NRG1: variants seen among roughly 807,000 people sequenced by gnomAD.
NRG1 encodes the protein pro-neuregulin-1, membrane-bound isoform.
In NRG1, 18 loss-of-function variants were observed where a neutral mutation model predicts 63.8. The observed-to-expected ratio is 0.28, with a 90% confidence interval of 0.19 to 0.42. NRG1 has a LOEUF of 0.42. NRG1 is among the 10% of genes least tolerant of loss of function. The probability of loss-of-function intolerance (pLI) is 1.00; values close to 1 mark genes in which losing one functional copy is unlikely to be tolerated. For synonymous variants in NRG1, 302 were observed against 301.3 expected (o/e 1.00, Z -0.02); for missense variants, 762 against 814.7 (o/e 0.94, Z 0.79).
intron 1 of NRG1, among the ~76,000 whole-genome samples, chr8:32,430,771 C>T (rs1009860504): frequency 6.8e-6 from 1 of 147,072 alleles, no homozygotes; most frequent in Non-Finnish European, 1.5e-5. Flanking sequence ...CCTCATGTTA[C>T]ACTGCAATGG....
At chr8:32,108,400 G>T (rs551062275) in intron 1 of NRG1, among the ~76,000 whole-genome samples, 27 of 152,282 alleles carry the variant, frequency 1.8e-4, no homozygotes, top group African/African-American at 5.3e-4. Context: ...GGAACAGTAT[G>T]TTCTCACCTG....
At chr8:32,293,718 C>CTTTTTTTTTTTTTTTTTTTTTTTTT (rs770993591) in intron 1 of NRG1, among the ~76,000 whole-genome samples, 42 of 108,266 alleles carry the variant, frequency 3.9e-4, no homozygotes, top group Non-Finnish European at 5.2e-4. Context: ...TTTTCTTCTT[C>CTTTTTTTTTTTTTTTTTTTTTTTTT]TTTTTTTTTT....
chr8:32,746,955 T>C (rs1827558887), intron 7 of NRG1, among the ~76,000 whole-genome samples: 1 of 151,302 alleles, frequency 6.6e-6, no homozygotes, highest in Admixed American at 6.6e-5. Context: ...CTGGGTCTAG[T>C]ATGACTGATG....
intron 1 of NRG1, among the ~76,000 whole-genome samples, chr8:32,000,014 CAG>C (rs1812662536): frequency 6.6e-6 from 1 of 151,844 alleles, no homozygotes; most frequent in South Asian, 2.1e-4. Context: ...AACAAAGGAA[CAG>C]AGATTTGGAA....
intron 1 of NRG1, among the ~76,000 whole-genome samples, chr8:32,296,371 CCTGAGGTCAGGAGTTCAAGACCAG>C (rs1470117650): frequency 1.3e-5 from 2 of 152,110 alleles, no homozygotes; most frequent in Non-Finnish European, 2.9e-5. Context: ...GGGTGGATCA[CCTGAGGTCAGGAGTTCAAGACCAG>C]CTGAGGTCAG....
intron 1 of NRG1, among the ~76,000 whole-genome samples, chr8:32,030,805 G>C (rs1818147060): frequency 6.6e-6 from 1 of 152,160 alleles, no homozygotes; most frequent in Non-Finnish European, 1.5e-5. Flanking sequence ...CAAAGGCAGG[G>C]AGACGGGTCA....
intron 1 of NRG1, among the ~76,000 whole-genome samples, chr8:32,158,425 G>GT (rs951323135): frequency 1.3e-5 from 1 of 75,870 alleles, no homozygotes; most frequent in Non-Finnish European, 3.0e-5. Context: ...AGAGTTGTTC[G>GT]TTTCTCTTTG....
At chr8:32,714,313 G>A (rs1181684772) in intron 5 of NRG1, among the ~76,000 whole-genome samples, 1 of 152,162 alleles carries the variant, frequency 6.6e-6, no homozygotes, top group Non-Finnish European at 1.5e-5. Context: ...GAACAAAATG[G>A]CCAAGTAGGT....
rs977697922 is a variant in NRG1 at position 31,988,738 on chromosome 8, G to A, written c.37+349307G>A. Among the ~76,000 whole-genome samples the A allele has an allele frequency of 3.3e-5, 5 of 152,084 alleles. 1 individual carries two copies. The South Asian group carries it at 8.3e-4, about 25-fold the overall frequency. ...AGTGAGGCCAGAGATCCACTGAATT[G>A]CTGCATATCACAAAAGTGGAGAAAT... is the stretch of plus-strand genomic sequence containing the variant. On this transcript the variant is annotated intron_variant, in intron 1 of 10. Coordinates refer to the NRG1 transcript ENST00000519301.
chr8:32,023,642 G>A (rs1451414114), intron 1 of NRG1, among the ~76,000 whole-genome samples: 2 of 152,076 alleles, frequency 1.3e-5, no homozygotes, highest in African/African-American at 4.8e-5. Context: ...TAAGGAGAGG[G>A]AAGTGGTGCC....
chr8:32,211,761 T>C (rs1392831728), intron 1 of NRG1, among the ~76,000 whole-genome samples: 2 of 152,180 alleles, frequency 1.3e-5, no homozygotes, highest in Non-Finnish European at 2.9e-5. Flanking sequence ...GTTTCTTCCA[T>C]CACACAGCAG....
At chr8:31,968,302 C>T (rs1007094242) in intron 1 of NRG1, among the ~76,000 whole-genome samples, 1 of 152,040 alleles carries the variant, frequency 6.6e-6, no homozygotes, top group Non-Finnish European at 1.5e-5. Flanking sequence ...ATTTAGCAAC[C>T]CAGAATGTCC....
upstream of NRG1, among the ~76,000 whole-genome samples, chr8:32,547,500 T>C (rs1230373498): frequency 1.3e-5 from 2 of 152,086 alleles, no homozygotes; most frequent in Non-Finnish European, 2.9e-5. Context: ...AATTAAGTTG[T>C]AGTAAGAGAC....
Position 32,241,237 on chromosome 8 carries a change from G to A in NRG1, c.38-354591G>A, listed in dbSNP as rs375172073. Among the ~76,000 whole-genome samples the A allele has an allele frequency of 3.9e-4, 60 of 152,206 alleles. No individual in the cohort carries two copies. The South Asian group carries it at 7.5e-3, about 19-fold the overall frequency. ...ATGCTGCTGGTCAGACCACACTCTG[G>A]AAACTACTGCCATAGAACATCTGAG... is the stretch of plus-strand genomic sequence containing the variant. On this transcript the variant is annotated intron_variant, in intron 1 of 10. Transcript: ENST00000519301.
intron 1 of NRG1, among the ~76,000 whole-genome samples, chr8:32,297,283 G>C (rs1855008563): frequency 6.6e-6 from 1 of 151,992 alleles, no homozygotes; most frequent in South Asian, 2.1e-4. Context: ...AAATAGCTTG[G>C]CATTACATAA....
At chr8:31,696,017 T>C (rs1810025329) in intron 1 of NRG1, among the ~76,000 whole-genome samples, 1 of 134,930 alleles carries the variant, frequency 7.4e-6, no homozygotes, top group Admixed American at 6.8e-5. Context: ...TAAAAGATAA[T>C]GGATTAAAAG....
At chr8:31,986,626 T>C (rs1449874105) in intron 1 of NRG1, among the ~76,000 whole-genome samples, 1 of 152,136 alleles carries the variant, frequency 6.6e-6, no homozygotes, top group African/African-American at 2.4e-5. Context: ...TAAGATAAAC[T>C]CTAAACAACA....
chr8:32,599,437 G>C (rs1843931764), intron 2 of NRG1, among the ~76,000 whole-genome samples: 1 of 152,008 alleles, frequency 6.6e-6, no homozygotes, highest in Non-Finnish European at 1.5e-5. Flanking sequence ...GGTGTTTAGT[G>C]GCACAATTTC....
intron 1 of NRG1, among the ~76,000 whole-genome samples, chr8:32,532,876 A>G (rs1831591549): frequency 6.6e-6 from 1 of 152,098 alleles, no homozygotes; most frequent in South Asian, 2.1e-4. Flanking sequence ...CATTTGTGTA[A>G]TTTTTCTAAA....
Sources: gnomAD v4.1 joint callset for allele counts (sites outside exome capture counted in the v4.1 genomes callset) on GRCh38, gnomAD v4.1.1 for gene constraint, MANE v1.5 for transcripts, NCBI Gene and HGNC (gene_info 2026-07-23, HGNC 2026-07-21) for gene names.